The following TEX2 variants were observed in gnomAD, a reference collection of about 807,000 sequenced individuals.
TEX2 encodes testis expressed 2.
In TEX2, 53 loss-of-function variants were observed where a neutral mutation model predicts 106.9. The ratio of observed to expected loss-of-function variants is 0.50; its 90% CI spans 0.40 to 0.62. The LOEUF (loss-of-function observed/expected upper bound fraction) is 0.62, where lower values mean the gene tolerates loss of function less well. Among genes scored for constraint, TEX2 ranks in the 20% least tolerant of loss-of-function variants. The pLI is 0.00. For synonymous variants in TEX2, 523 were observed against 534.8 expected, an observed-to-expected ratio of 0.98 and a Z score of 0.30; for missense variants, 1,207 against 1,379.0, an observed-to-expected ratio of 0.88 and a Z score of 1.98.
intron 5 of TEX2, among the ~76,000 whole-genome samples, chr17:64,178,036 T>C (rs116284043): frequency 3.9e-5 from 6 of 152,278 alleles, no homozygotes; most frequent in Admixed American, 2.0e-4. Context: ...CCCCTGGTAA[T>C]GTAATGAACA....
At position 64,219,540 on chromosome 17, in the gene TEX2, A is replaced by C. The variant is rs1478207724; in HGVS notation, c.-25-5298T>G. Among the ~76,000 whole-genome samples, 163 of 151,126 alleles carry C rather than the reference A, an allele frequency of 1.1e-3. 1 individual carries two copies. Among genetic ancestry groups the C allele is most frequent in the African/African-American group, 3.6e-3 (150 of 41,132 alleles). ...AATAAAATAAAATAAAATAAAATAAAATAAAATAAAATATCTAAAGGGAGA... is the reference window on the plus strand; with the variant it reads ...AATAAAATAAAATAAAATAAAATAACATAAAATAAAATATCTAAAGGGAGA... On this transcript the variant is annotated intron_variant, in intron 1 of 11. Transcript: ENST00000584379.
chr17:64,223,490 CCACT>C (rs1391087415), intron 1 of TEX2, among the ~76,000 whole-genome samples: 2 of 151,374 alleles, frequency 1.3e-5, no homozygotes, highest in African/African-American at 4.9e-5. Flanking sequence ...TCGTTCCAGG[CCACT>C]CAATTATCAC....
At position 64,179,437 on chromosome 17, in the gene TEX2, C is replaced by T. The variant is rs137993148; in HGVS notation, c.2425-1966G>A. Among the ~76,000 whole-genome samples the T allele has an allele frequency of 2.3e-3, 350 of 152,310 alleles. 2 individuals are homozygous for T. The highest frequency in any genetic ancestry group is 0.019 in the Admixed American group (290 of 15,302). ...CCTAGCCAGCAGCAGCGGCAACCTG[C>T]TTGGGTGCCCTTACACAGTGTGGAA... On this transcript the variant is annotated intron_variant, in intron 5 of 11. Transcript: ENST00000584379.
intron 1 of TEX2, among the ~76,000 whole-genome samples, chr17:64,238,195 G>T (rs2143378233): frequency 6.6e-6 from 1 of 152,238 alleles, no homozygotes; most frequent in Non-Finnish European, 1.5e-5. Flanking sequence ...AGCTACTCAG[G>T]AAGCTGAGGC....
At chr17:64,159,717 G>A (rs1598120662) in intron 8 of TEX2, among the ~76,000 whole-genome samples, 1 of 152,146 alleles carries the variant, frequency 6.6e-6, no homozygotes, top group African/African-American at 2.4e-5. Context: ...TAAATCCACA[G>A]ATTGCCGAAT....
intron 1 of TEX2, among the ~76,000 whole-genome samples, chr17:64,244,356 G>C (rs2033948925): frequency 6.6e-6 from 1 of 152,180 alleles, no homozygotes; most frequent in African/African-American, 2.4e-5. Context: ...CTGACGTCTA[G>C]ACAGCAGGTC....
intron 4 of TEX2, among the ~76,000 whole-genome samples, chr17:64,193,037 T>C (rs1550795): frequency 0.55 from 84,002 of 151,934 alleles, 24,607 homozygotes; most frequent in East Asian, 0.83. Context: ...CTACTGCTTT[T>C]TACTGGTTTT....
chr17:64,214,065 CTCCTCCTCCTCT>C lies in TEX2; in HGVS notation c.141_152del (p.Glu48_Glu51del). The C allele has an allele frequency of 1.9e-6, 3 of 1,614,152 alleles. No individual in the cohort carries two copies. The highest frequency in any genetic ancestry group is 2.2e-5 in the East Asian group (1 of 44,874). On this transcript the variant is annotated inframe_deletion, in exon 2 of 12. Coordinates refer to ENST00000584379, the MANE Select transcript of TEX2 (RefSeq NM_001288732.2). ...GCCCCTCCTCAAAGTACTCCCTGAA[CTCCTCCTCCTCT>C]TCCTCCTCCTCCTCGCCGGATGCCG...
rs192071091 is a variant in TEX2 at position 64,166,975 on chromosome 17, C to T, written c.2671+4125G>A. ...AAAGAAAGGAAATCCATATATATCC[C>T]ACAGGTAGAGCAGCTAGTTCCAGGG... is the stretch of plus-strand genomic sequence containing the variant. On this transcript the variant is annotated intron_variant, in intron 7 of 11. Transcript: ENST00000584379. 2.0e-5 allele frequency among the ~76,000 whole-genome samples: 3 copies of T among 152,250 alleles called. No individual in the cohort carries two copies. The East Asian group carries it at 5.8e-4, about 29-fold the overall frequency.
At position 64,195,571 on chromosome 17, in the gene TEX2, C is replaced by T. The variant is rs2032441845; in HGVS notation, c.1645-476G>A. 2.0e-5 allele frequency among the ~76,000 whole-genome samples: 3 copies of T among 152,184 alleles called. No individual in the cohort carries two copies. The highest frequency in any genetic ancestry group is 4.4e-5 in the Non-Finnish European group (3 of 68,038). On this transcript the variant is annotated intron_variant, in intron 2 of 11. Transcript: ENST00000584379. The surrounding 1 kb of genome is among the most constrained non-coding windows in gnomAD (Gnocchi z 4.1). ...GACTCAGAGAACTACCTCTCCACTT[C>T]TGTTGCACTACAATATGTACCTCAT...
chr17:64,239,805 G>A (rs577684811), intron 1 of TEX2, among the ~76,000 whole-genome samples: 1 of 142,420 alleles, frequency 7.0e-6, no homozygotes, highest in Non-Finnish European at 1.5e-5. Flanking sequence ...GAACTTGGGA[G>A]GCAGAGGTTG....
At position 64,214,127 on chromosome 17, in the gene TEX2, G is replaced by A; in HGVS notation, c.91C>T (p.Arg31Ter). Reference protein sequence around the residue: ...PKVHVQRSVSRDTIAIHFSAS... With the variant: ...PKVHVQRSVS ...GAGAAGTGAATGGCGATGGTATCTCGGGACACGGACCTCTGCACGTGCACT... is the reference window on the plus strand; with the variant it reads ...GAGAAGTGAATGGCGATGGTATCTCAGGACACGGACCTCTGCACGTGCACT... The change falls in exon 2 of 12, where the codon CGA becomes TGA. Residue 31 changes from arginine (R) to a stop codon, truncating the protein, a stop_gained. Transcript: ENST00000584379. LOFTEE classifies it high-confidence loss of function. The A allele has an allele frequency of 3.7e-6, 6 of 1,614,120 alleles. No homozygotes were observed. The highest frequency in any genetic ancestry group is 1.1e-5 in the South Asian group (1 of 91,068).
chr17:64,150,919 C>T lies in TEX2; in HGVS notation c.3183G>A (p.Arg1061=), dbSNP rs201929780. Reference sequence around the variant, plus strand: ...TCACTTCTCTCTCTCCAAGTTTTGGCCGAGCTTTCAGCTCCACATGTGGTG... The same window carrying T: ...TCACTTCTCTCTCTCCAAGTTTTGGTCGAGCTTTCAGCTCCACATGTGGTG... ...RKPPHVELKA[R]PKLGEREVTL... is the part of the protein sequence containing the mutation. The change falls in exon 11 of 12, where the codon CGG becomes CGA. Residue 1061 remains arginine, a synonymous_variant. Coordinates refer to ENST00000584379, the MANE Select transcript of TEX2 (RefSeq NM_001288732.2). 7 of 1,613,978 alleles carry T rather than the reference C, an allele frequency of 4.3e-6. No individual in the cohort carries two copies. The East Asian group carries it at 1.3e-4, about 31-fold the overall frequency.
intron 1 of TEX2, among the ~76,000 whole-genome samples, chr17:64,219,508 C>CAAATA (rs3071506): frequency 0.52 from 69,366 of 134,686 alleles, 20,100 homozygotes; most frequent in East Asian, 0.69. Context: ...TCCATCTCAT[C>CAAATA]AAATAAAATA....
Position 64,193,755 on chromosome 17 carries a change from C to T in TEX2, c.1980G>A (p.Pro660=), listed in dbSNP as rs774766130. ...TAGGGTCCTCACTTCCCTCAGCTGGCGGCTTCTCTTCTGAAGTCTCCTTAT... is the reference window on the plus strand; with the variant it reads ...TAGGGTCCTCACTTCCCTCAGCTGGTGGCTTCTCTTCTGAAGTCTCCTTAT... The part of the protein sequence containing the change: ...QTDKETSEEK[P]PAEGSEDPKK... The change falls in exon 4 of 12, where the codon CCG becomes CCA. Residue 660 remains proline, a synonymous_variant. Coordinates refer to ENST00000584379, the MANE Select transcript of TEX2 (RefSeq NM_001288732.2). 10 of 1,613,556 alleles carry T rather than the reference C, an allele frequency of 6.2e-6. No homozygotes were observed. Among genetic ancestry groups the T allele is most frequent in the African/African-American group, 5.3e-5 (4 of 74,884 alleles).
chr17:64,199,958 A>C (rs2032604943), intron 2 of TEX2, among the ~76,000 whole-genome samples: 1 of 152,244 alleles, frequency 6.6e-6, no homozygotes, highest in African/African-American at 2.4e-5. Flanking sequence ...CATTCAGTAC[A>C]TGGCAGTTTT....
chr17:64,182,907 G>A (rs1317759318), intron 5 of TEX2, among the ~76,000 whole-genome samples: 1 of 145,164 alleles, frequency 6.9e-6, no homozygotes, highest in Non-Finnish European at 1.5e-5. Flanking sequence ...CACTTTTGTT[G>A]TGTTTTTTTT....
intron 1 of TEX2, among the ~76,000 whole-genome samples, chr17:64,255,339 T>C (rs2034165038): frequency 6.6e-6 from 1 of 152,190 alleles, no homozygotes. Context: ...TTCAACTACC[T>C]AACACCAGCC....
chr17:64,160,748 G>C, intron 8 of TEX2, 53 bp downstream of exon 8: 2 of 1,601,888 alleles, frequency 1.2e-6, no homozygotes, highest in South Asian at 2.2e-5. Context: ...AAGGCTGGAG[G>C]GAGAAGCTGG....
Sources: allele counts gnomAD v4.1 joint callset (sites outside exome capture counted in the v4.1 genomes callset), GRCh38; gene constraint gnomAD v4.1.1; non-coding constraint Gnocchi (gnomAD v3.1); transcripts MANE v1.5; gene names NCBI Gene and HGNC (gene_info 2026-07-23, HGNC 2026-07-21).